The following ATP8A1 variants were observed in gnomAD, a reference collection of about 807,000 sequenced individuals.
ATP8A1 encodes ATPase phospholipid transporting 8A1.
In ATP8A1, 90 loss-of-function variants were observed where a neutral mutation model predicts 177.7. The observed-to-expected ratio is 0.51, with a 90% CI of 0.43 to 0.60. The LOEUF (loss-of-function observed/expected upper bound fraction) is 0.60, where lower values mean the gene tolerates loss of function less well. Ranked by LOEUF, ATP8A1 falls within the 20% of genes least tolerant of loss-of-function variation. The pLI is 0.00. For synonymous variants in ATP8A1, 493 were observed against 485.9 expected (o/e 1.01, Z -0.19); for missense variants, 1,072 against 1,392.8 (o/e 0.77, Z 3.67).
intron 19 of ATP8A1, among the ~76,000 whole-genome samples, chr4:42,548,168 T>TG (rs1729116870): frequency 6.6e-6 from 1 of 152,210 alleles, no homozygotes; most frequent in Non-Finnish European, 1.5e-5. Flanking sequence ...TCCTAACAGA[T>TG]GGTAACTGGT....
At chr4:42,492,888 G>A (rs1260927925) in intron 24 of ATP8A1, among the ~76,000 whole-genome samples, 5 of 152,156 alleles carry the variant, frequency 3.3e-5, no homozygotes, top group African/African-American at 7.2e-5. Context: ...AGCAACACAA[G>A]TTTCTGTTTT....
intron 15 of ATP8A1, chr4:42,562,428 G>C (rs1044236600): frequency 6.4e-6 from 1 of 155,084 alleles, no homozygotes; most frequent in African/African-American, 2.4e-5. Flanking sequence ...GCTGCTCCTG[G>C]GACCTCTGGC....
At chr4:42,617,526 A>G (rs1737041759) in intron 4 of ATP8A1, among the ~76,000 whole-genome samples, 1 of 152,226 alleles carries the variant, frequency 6.6e-6, no homozygotes, top group East Asian at 1.9e-4. Flanking sequence ...CTTTGAAAAT[A>G]TTCTTTTTGC....
intron 5 of ATP8A1, among the ~76,000 whole-genome samples, chr4:42,608,049 T>C (rs543174607): frequency 6.6e-6 from 1 of 152,364 alleles, no homozygotes; most frequent in East Asian, 1.9e-4. Context: ...GAGCTCAGAC[T>C]AAACAATTAC....
At chr4:42,515,058 T>G (rs531851599) in intron 22 of ATP8A1, among the ~76,000 whole-genome samples, 69 of 152,366 alleles carry the variant, frequency 4.5e-4, no homozygotes, top group African/African-American at 1.6e-3. Flanking sequence ...GTTCTAATAT[T>G]TTCTTGCTTA....
At position 42,522,246 on chromosome 4, in the gene ATP8A1, C is replaced by A; in HGVS notation, c.1861G>T (p.Glu621Ter). Reference sequence around the variant, plus strand: ...GCTCGCTGATAGACTGCTCGCCACTCCTGAAAGTCGCTCTCTGAAATCTCA... The same window carrying A: ...GCTCGCTGATAGACTGCTCGCCACTACTGAAAGTCGCTCTCTGAAATCTCA... Reference protein sequence around the residue: ...VAEISESDFQEWRAVYQRAST... With the variant: ...VAEISESDFQ Residue 621 changes from glutamate to a stop codon, truncating the protein, a stop_gained, in exon 22 of 37, where the codon GAG becomes TAG. Transcript: ENST00000381668. LOFTEE classifies it high-confidence loss of function. 6 of 1,613,800 alleles carry A rather than the reference C, an allele frequency of 3.7e-6. No homozygotes were observed. Among genetic ancestry groups the A allele is most frequent in the Non-Finnish European group, 5.1e-6 (6 of 1,179,896 alleles).
intron 6 of ATP8A1, among the ~76,000 whole-genome samples, chr4:42,593,374 C>T (rs774487693): frequency 5.3e-5 from 8 of 151,862 alleles, no homozygotes; most frequent in Non-Finnish European, 7.4e-5. Context: ...AAAACAAAAA[C>T]CTATAGGTAC....
intron 4 of ATP8A1, among the ~76,000 whole-genome samples, chr4:42,620,595 A>C (rs1200768085): frequency 6.6e-6 from 1 of 152,242 alleles, no homozygotes; most frequent in Non-Finnish European, 1.5e-5. Context: ...AGTGATTATA[A>C]GGCAGGAGTC....
chr4:42,587,768 G>T (rs1049855421), intron 8 of ATP8A1, among the ~76,000 whole-genome samples: 1 of 151,594 alleles, frequency 6.6e-6, no homozygotes, highest in Non-Finnish European at 1.5e-5. Context: ...CACCATGCCC[G>T]GCTAATTTTT....
intron 6 of ATP8A1, among the ~76,000 whole-genome samples, chr4:42,591,197 A>G (rs1016090126): frequency 6.6e-6 from 1 of 152,126 alleles, no homozygotes; most frequent in East Asian, 1.9e-4. Context: ...AGAGAACTAC[A>G]TTATAGTCTA....
intron 5 of ATP8A1, among the ~76,000 whole-genome samples, chr4:42,606,137 T>C (rs1267994176): frequency 2.0e-5 from 3 of 152,218 alleles, no homozygotes; most frequent in Non-Finnish European, 4.4e-5. Context: ...TTTTGGAAAA[T>C]ACTCCATGGC....
chr4:42,443,133 T>C (rs547270323), intron 33 of ATP8A1, among the ~76,000 whole-genome samples: 1 of 152,316 alleles, frequency 6.6e-6, no homozygotes, highest in East Asian at 1.9e-4. Context: ...AAAAAGTGCA[T>C]TTAATCTAGT....
intron 1 of ATP8A1, chr4:42,637,316 C>T (rs1472863889): frequency 2.4e-5 from 11 of 463,156 alleles, no homozygotes; most frequent in South Asian, 1.5e-4. Flanking sequence ...GAGTCCAGCA[C>T]GTTCTGGGAC....
At chr4:42,436,951 C>CT (rs1716066047) in intron 33 of ATP8A1, among the ~76,000 whole-genome samples, 1 of 152,150 alleles carries the variant, frequency 6.6e-6, no homozygotes, top group Non-Finnish European at 1.5e-5. Flanking sequence ...AATACCTTTC[C>CT]TACAGGGCTG....
chr4:42,596,532 T>C (rs1426193636), intron 6 of ATP8A1, among the ~76,000 whole-genome samples: 1 of 151,888 alleles, frequency 6.6e-6, no homozygotes, highest in African/African-American at 2.4e-5. Flanking sequence ...CTGGGCATGG[T>C]GGCAGGCACC....
intron 19 of ATP8A1, 35 bp downstream of exon 19, chr4:42,548,978 T>C: frequency 6.6e-7 from 1 of 1,514,978 alleles, no homozygotes. Context: ...TATAAATTTA[T>C]CTTATCCATA....
At position 42,485,750 on chromosome 4, in the gene ATP8A1, T is replaced by G. The variant is rs1005566617; in HGVS notation, c.2152-82A>C. The stretch of plus-strand genomic sequence containing the variant: ...GGATGCCTTAAGGATATTTGGCAAC[T>G]ACATTTAGTTATTTTTAGTGCTTTT... On this transcript the variant is annotated intron_variant, in intron 24 of 36. Transcript: ENST00000381668. 3 of 1,165,238 alleles carry G rather than the reference T, an allele frequency of 2.6e-6. No homozygotes were observed. In the African/African-American group the frequency reaches 4.7e-5, roughly 18 times the overall value. The allele number at this position is 1,165,238 out of a possible 1,614,324, so 72.2% of individuals were successfully genotyped here.
intron 36 of ATP8A1, among the ~76,000 whole-genome samples, chr4:42,413,237 C>T (rs758360978): frequency 1.9e-4 from 29 of 152,162 alleles, no homozygotes; most frequent in Admixed American, 9.2e-4. Context: ...GTATTCTTCT[C>T]TCTAGAAGAC....
At chr4:42,555,346 G>GAA (rs1311966128) in intron 16 of ATP8A1, among the ~76,000 whole-genome samples, 5 of 151,886 alleles carry the variant, frequency 3.3e-5, no homozygotes, top group African/African-American at 1.2e-4. Context: ...AAGTTATTTC[G>GAA]ATAACTTATT....
Sources: gnomAD v4.1 joint callset for allele counts (sites outside exome capture counted in the v4.1 genomes callset) on GRCh38, gnomAD v4.1.1 for gene constraint, MANE v1.5 for transcripts, NCBI Gene and HGNC (gene_info 2026-07-23, HGNC 2026-07-21) for gene names.